The following AP3B2 variants were observed in gnomAD, a reference collection of about 807,000 sequenced individuals.
AP3B2 encodes AP-3 complex subunit beta-2.
In AP3B2, 50 loss-of-function variants were observed where a neutral mutation model predicts 126.9. That is an observed-to-expected ratio of 0.39 (90% confidence interval 0.31 to 0.50). AP3B2 has a LOEUF of 0.50. AP3B2 is among the 20% of genes least tolerant of loss of function. AP3B2 has a pLI of 0.79. For missense variants in AP3B2, 1,177 were observed against 1,426.4 expected, an observed-to-expected ratio of 0.83 and a Z score of 2.82; for synonymous variants, 541 against 565.0, an observed-to-expected ratio of 0.96 and a Z score of 0.60.
At chr15:82,703,993 G>T (rs947908857) in intron 1 of AP3B2, among the ~76,000 whole-genome samples, 7 of 151,976 alleles carry the variant, frequency 4.6e-5, no homozygotes, top group Middle Eastern at 3.2e-3. Context: ...ACCCAGTCCG[G>T]CTTACAGTTT....
At chr15:82,694,034 C>T (rs1035708449) in intron 1 of AP3B2, among the ~76,000 whole-genome samples, 5 of 143,656 alleles carry the variant, frequency 3.5e-5, no homozygotes, top group Middle Eastern at 4.5e-3. Context: ...GACGAAGTCT[C>T]GCTCTGTTGC....
At chr15:82,696,319 TG>T (rs1401292643) in intron 1 of AP3B2, among the ~76,000 whole-genome samples, 3 of 152,202 alleles carry the variant, frequency 2.0e-5, no homozygotes, top group Non-Finnish European at 4.4e-5. Flanking sequence ...GGCTCACGCT[TG>T]TAATTCCAGC....
At chr15:82,661,986 C>G in intron 24 of AP3B2, 64 bp from the exon 25 acceptor site, 2 of 1,483,190 alleles carry the variant, frequency 1.3e-6, no homozygotes, top group African/African-American at 1.4e-5. Flanking sequence ...ACTTCCCACC[C>G]TGTGTAGAGG....
rs780608762 is a variant in AP3B2 at position 82,665,424 on chromosome 15, C to T, written c.1971+33G>A. On this transcript the variant is annotated intron_variant, in intron 16 of 26. Transcript: ENST00000535359. The surrounding 1 kb of genome is among the most constrained non-coding windows in gnomAD (Gnocchi z 4.4). ...ACACACACACACACACACACACACA[C>T]ACACACACACTTCAACCCTCCACCC... 88 of 1,381,538 alleles carry T rather than the reference C, an allele frequency of 6.4e-5. No homozygotes were observed. Among genetic ancestry groups the T allele is most frequent in the Non-Finnish European group, 1.2e-5 (12 of 988,142 alleles). The allele number at this position is 1,381,538 out of a possible 1,614,324, so 85.6% of individuals were successfully genotyped here. A position where few individuals can be genotyped will look rare whatever the true frequency, so the allele number is the denominator to read the frequency against.
In AP3B2 at chr15:82,680,047, T is replaced by C. The variant is rs1044349928; in HGVS notation, c.1110+128A>G. The C allele has an allele frequency of 1.5e-6, 2 of 1,343,886 alleles. No individual in the cohort carries two copies. The highest frequency in any genetic ancestry group is 2.9e-5 in the African/African-American group (2 of 69,428). 83.2% of individuals were successfully genotyped at this position (1,343,886 alleles called of 1,614,324 possible). ...TGTATTTGGAGCCTCCCCTGCCCCA[T>C]CCTCTGCACAGCCAGGGTATTCCTC... On this transcript the variant is annotated intron_variant, in intron 9 of 26. Transcript: ENST00000535359. The surrounding 1 kb of genome is among the most constrained non-coding windows in gnomAD (Gnocchi z 6.1).
chr15:82,696,096 A>G (rs972802801), intron 1 of AP3B2, among the ~76,000 whole-genome samples: 6 of 152,106 alleles, frequency 3.9e-5, no homozygotes, highest in African/African-American at 1.4e-4. Context: ...TCCTCTTCTT[A>G]TAAAGAAATC....
At chr15:82,699,634 C>T (rs1211872483) in intron 1 of AP3B2, 4 of 400,070 alleles carry the variant, frequency 1.0e-5, no homozygotes, top group African/African-American at 2.1e-5. Flanking sequence ...TCCTCTATAC[C>T]GTAGTGGCTG....
At chr15:82,688,923 G>T in intron 3 of AP3B2, 92 bp from the exon 4 acceptor site, 2 of 1,263,002 alleles carry the variant, frequency 1.6e-6, no homozygotes, top group Non-Finnish European at 2.2e-6. Context: ...CCAGCCAGCT[G>T]CGGTCCATGG....
chr15:82,672,963 A>G (rs2048182675), intron 14 of AP3B2, among the ~76,000 whole-genome samples: 1 of 152,206 alleles, frequency 6.6e-6, no homozygotes, highest in Admixed American at 6.5e-5. Flanking sequence ...GGATCGTGGC[A>G]CCATGTGACT....
Position 82,693,188 on chromosome 15 carries a change from G to A in AP3B2, c.114-3735C>T, listed in dbSNP as rs865900596. On this transcript the variant is annotated intron_variant, in intron 1 of 26. Coordinates refer to ENST00000535359, the MANE Select transcript of AP3B2 (RefSeq NM_001278512.2). ...TACGAACCAATAAGAATCTCCCCCC[G>A]CCCCCACCCCCCCGCCCCCGCCCCA... Among the ~76,000 whole-genome samples the A allele has an allele frequency of 2.5e-4, 19 of 76,424 alleles. No homozygotes were observed. The South Asian group carries it at 8.2e-3, about 33-fold the overall frequency. The allele number at this position is 76,424 out of a possible 152,430, so 50.1% of individuals were successfully genotyped here. A position where few individuals can be genotyped will look rare whatever the true frequency, so the allele number is the denominator to read the frequency against.
At chr15:82,669,964 G>T (rs1484536219) in intron 14 of AP3B2, among the ~76,000 whole-genome samples, 3 of 120,648 alleles carry the variant, frequency 2.5e-5, no homozygotes, top group Non-Finnish European at 4.8e-5. Context: ...TCGCGTCACT[G>T]CAGTCCAGAG....
chr15:82,695,095 CTTTT>C (rs747831776), intron 1 of AP3B2, among the ~76,000 whole-genome samples: 55 of 134,776 alleles, frequency 4.1e-4, no homozygotes, highest in Non-Finnish European at 5.4e-4. Flanking sequence ...TTCTTTCTTT[CTTTT>C]TTTTTTTTTT....
chr15:82,685,054 T>A (rs2048403671), intron 4 of AP3B2: 1 of 152,146 alleles, frequency 6.6e-6, no homozygotes, highest in East Asian at 1.9e-4. Context: ...AGGCCCAAGG[T>A]GAAGGAGATG....
In AP3B2 at chr15:82,663,651, G is replaced by A. The variant is rs772463703; in HGVS notation, c.2437-31C>T. On this transcript the variant is annotated intron_variant, in intron 20 of 26. Coordinates refer to ENST00000535359, the MANE Select transcript of AP3B2 (RefSeq NM_001278512.2). ...AGAGAAAAATGGGATGTGGGTGTGG[G>A]GAAGGGGAGCACCTTGGCATGTTCT... The A allele has an allele frequency of 3.7e-6, 6 of 1,613,712 alleles. No homozygotes were observed. The South Asian group carries it at 6.6e-5, about 18-fold the overall frequency.
intron 25 of AP3B2, among the ~76,000 whole-genome samples, chr15:82,660,476 T>C (rs1399561460): frequency 1.3e-5 from 2 of 152,192 alleles, no homozygotes; most frequent in African/African-American, 2.4e-5. Flanking sequence ...ACATTTTTAA[T>C]TGTACCTCTG....
At chr15:82,679,654 C>G in intron 10 of AP3B2, 75 bp downstream of exon 10, 1 of 1,371,780 alleles carries the variant, frequency 7.3e-7, no homozygotes, top group African/African-American at 1.4e-5. Flanking sequence ...ACCAGGGGGG[C>G]CACTGTGAGT....
chr15:82,683,097 C>T (rs1159994133), intron 4 of AP3B2, among the ~76,000 whole-genome samples: 3 of 117,256 alleles, frequency 2.6e-5, no homozygotes, highest in Non-Finnish European at 4.9e-5. Context: ...CTCGCTCTGT[C>T]GCCCAGGCTG....
chr15:82,669,776 CA>C (rs1225535760), intron 14 of AP3B2, among the ~76,000 whole-genome samples: 1 of 151,328 alleles, frequency 6.6e-6, no homozygotes, highest in African/African-American at 2.4e-5. Context: ...CCGAGGCAGG[CA>C]GAATACCTGA....
chr15:82,671,958 C>T (rs1034457252), intron 14 of AP3B2, among the ~76,000 whole-genome samples: 8 of 151,990 alleles, frequency 5.3e-5, no homozygotes, highest in Non-Finnish European at 8.8e-5. Flanking sequence ...GCAGGAGAAT[C>T]GTTTGAACCT....
Sources: gnomAD v4.1 joint callset for allele counts (sites outside exome capture counted in the v4.1 genomes callset) on GRCh38, gnomAD v4.1.1 for gene constraint, Gnocchi (gnomAD v3.1) non-coding constraint, MANE v1.5 for transcripts, NCBI Gene and HGNC (gene_info 2026-07-23, HGNC 2026-07-21) for gene names.